ESRRG: variants seen among roughly 807,000 people sequenced by gnomAD.
The protein encoded by ESRRG is estrogen-related receptor gamma.
ESRRG carries 13 observed loss-of-function variants against 44.0 expected under a neutral mutation model. That is an observed-to-expected ratio of 0.30 (90% CI 0.19 to 0.47). The LOEUF is 0.47. Among genes scored for constraint, ESRRG ranks in the 20% least tolerant of loss-of-function variants. The pLI is 1.00. For synonymous variants in ESRRG, 215 were observed against 214.6 expected (o/e 1.00, Z -0.02); for missense variants, 395 against 580.6 (o/e 0.68, Z 3.29).
At chr1:216,520,927 G>A in intron 5 of ESRRG, among the ~76,000 whole-genome samples, 1 of 152,082 alleles carries the variant, frequency 6.6e-6, no homozygotes, top group Non-Finnish European at 1.5e-5. Flanking sequence ...AGAAACTACA[G>A]CACAGTAAAG....
intron 3 of ESRRG, among the ~76,000 whole-genome samples, chr1:216,623,232 A>G (rs1167638868): frequency 6.6e-6 from 1 of 151,682 alleles, no homozygotes; most frequent in African/African-American, 2.4e-5. Context: ...ACAGGGGCCC[A>G]CCACCACGCC....
intron 1 of ESRRG, among the ~76,000 whole-genome samples, chr1:217,126,025 T>G (rs1372665443): frequency 6.6e-6 from 1 of 152,172 alleles, no homozygotes; most frequent in East Asian, 1.9e-4. Flanking sequence ...GGGTTTTGGA[T>G]GGAATGCACT....
intron 3 of ESRRG, among the ~76,000 whole-genome samples, chr1:216,621,341 A>G (rs1391781198): frequency 6.6e-6 from 1 of 152,214 alleles, no homozygotes; most frequent in Non-Finnish European, 1.5e-5. Flanking sequence ...AATTTTGACA[A>G]AGATGTGCAA....
chr1:216,719,569 C>A (rs1398452270), intron 1 of ESRRG, among the ~76,000 whole-genome samples: 1 of 151,802 alleles, frequency 6.6e-6, no homozygotes, highest in Non-Finnish European at 1.5e-5. Flanking sequence ...TTTCCTCCTG[C>A]TTCTATTAGC....
At chr1:216,877,721 CTATATG>C (rs2096380274) in intron 2 of ESRRG, among the ~76,000 whole-genome samples, 1 of 152,006 alleles carries the variant, frequency 6.6e-6, no homozygotes, top group African/African-American at 2.4e-5. Context: ...CGCGCCCGGC[CTATATG>C]TATGTTTTTA....
At chr1:216,640,795 T>C (rs1265844576) in intron 3 of ESRRG, among the ~76,000 whole-genome samples, 1 of 152,180 alleles carries the variant, frequency 6.6e-6, no homozygotes, top group Non-Finnish European at 1.5e-5. Context: ...TCATCATCAA[T>C]GTCACATTGA....
At chr1:216,806,700 C>T (rs2094804047) in intron 2 of ESRRG, among the ~76,000 whole-genome samples, 1 of 152,040 alleles carries the variant, frequency 6.6e-6, no homozygotes, top group Non-Finnish European at 1.5e-5. Context: ...GGGTAAAACT[C>T]GAATGTAAGA....
chr1:216,628,973 C>T (rs1370658535), intron 3 of ESRRG, among the ~76,000 whole-genome samples: 2 of 152,114 alleles, frequency 1.3e-5, no homozygotes, highest in African/African-American at 4.8e-5. Context: ...CTGACCTCTC[C>T]ACTTGGAATA....
chr1:216,509,106 G>A (rs2818964), intron 6 of ESRRG, among the ~76,000 whole-genome samples: 84,787 of 151,982 alleles, frequency 0.56, 24,296 homozygotes, highest in African/African-American at 0.6. Flanking sequence ...ACCTCCCCAA[G>A]CCCTAGAAGA....
chr1:216,651,922 C>T (rs2069084513), intron 2 of ESRRG, among the ~76,000 whole-genome samples: 1 of 151,862 alleles, frequency 6.6e-6, no homozygotes, highest in Admixed American at 6.6e-5. Context: ...TCAATTAGTA[C>T]CAATGGCAGT....
At chr1:216,994,562 C>T (rs2076127788) in intron 1 of ESRRG, among the ~76,000 whole-genome samples, 1 of 152,124 alleles carries the variant, frequency 6.6e-6, no homozygotes, top group African/African-American at 2.4e-5. Context: ...TGACAACACT[C>T]AATTCAGTCC....
intron 3 of ESRRG, among the ~76,000 whole-genome samples, chr1:216,626,631 A>G (rs2063234507): frequency 6.6e-6 from 1 of 152,200 alleles, no homozygotes; most frequent in Admixed American, 6.5e-5. Flanking sequence ...GTCCTAGTCC[A>G]GCAACCCTCC....
chr1:216,764,562 C>A (rs568077882), intron 2 of ESRRG, among the ~76,000 whole-genome samples: 14 of 147,966 alleles, frequency 9.5e-5, no homozygotes, highest in Non-Finnish European at 1.7e-4. Flanking sequence ...AGACACCATG[C>A]CCGGCCCAGG....
At chr1:216,815,040 G>T (rs2095090819) in intron 2 of ESRRG, among the ~76,000 whole-genome samples, 1 of 152,148 alleles carries the variant, frequency 6.6e-6, no homozygotes, top group Admixed American at 6.5e-5. Flanking sequence ...AATGTTAAGG[G>T]CTTGACGCAG....
At chr1:216,638,878 T>C (rs1406413544) in intron 3 of ESRRG, among the ~76,000 whole-genome samples, 1 of 152,194 alleles carries the variant, frequency 6.6e-6, no homozygotes, top group Non-Finnish European at 1.5e-5. Context: ...CAACTCTAGA[T>C]GTTGTAAAGA....
intron 2 of ESRRG, among the ~76,000 whole-genome samples, chr1:216,659,621 A>C (rs2071721047): frequency 6.6e-6 from 1 of 152,162 alleles, no homozygotes; most frequent in Non-Finnish European, 1.5e-5. Context: ...CCCACATGGC[A>C]TTACCTGAAG....
chr1:216,510,936 A>T (rs1316113372), intron 6 of ESRRG, among the ~76,000 whole-genome samples: 2 of 152,090 alleles, frequency 1.3e-5, no homozygotes, highest in Admixed American at 1.3e-4. Flanking sequence ...AAAATACCTA[A>T]GTCCTGCTTG....
chr1:217,124,021 G>A (rs191201591), intron 1 of ESRRG, among the ~76,000 whole-genome samples: 124 of 152,280 alleles, frequency 8.1e-4, no homozygotes, highest in Non-Finnish European at 1.6e-3. Context: ...ACACCTTTGA[G>A]CCACTATCAC....
intron 1 of ESRRG, among the ~76,000 whole-genome samples, chr1:217,077,915 C>T (rs966130355): frequency 2.6e-5 from 4 of 152,158 alleles, no homozygotes; most frequent in African/African-American, 9.7e-5. Flanking sequence ...CATCTAAATG[C>T]TAAATGAGAA....
Sources: gnomAD v4.1 joint callset for allele counts (sites outside exome capture counted in the v4.1 genomes callset) on GRCh38, gnomAD v4.1.1 for gene constraint, MANE v1.5 for transcripts, NCBI Gene and HGNC (gene_info 2026-07-23, HGNC 2026-07-21) for gene names.